Variants in PLCG2 observed in about 807,000 individuals in gnomAD.
PLCG2 encodes phospholipase C gamma 2, also known as 1-phosphatidylinositol 4,5-bisphosphate phosphodiesterase gamma-2.
Under a neutral mutation model 175.6 loss-of-function variants are expected in PLCG2, and 69 were observed. The observed-to-expected ratio is 0.39, with a 90% confidence interval of 0.32 to 0.48. The LOEUF (loss-of-function observed/expected upper bound fraction) is 0.48. Among genes scored for constraint, PLCG2 ranks in the 20% least tolerant of loss-of-function variants. The probability of loss-of-function intolerance (pLI) is 0.91; values close to 1 mark genes in which losing one functional copy is unlikely to be tolerated. For missense variants in PLCG2, 1,798 were observed against 1,650.9 expected, an observed-to-expected ratio of 1.09 and a Z score of -1.54; for synonymous variants, 827 against 624.0, an observed-to-expected ratio of 1.33 and a Z score of -4.85.
Position 81,927,175 on chromosome 16 carries a change from G to T in PLCG2, c.2511G>T (p.Lys837Asn). 1 of 1,605,944 alleles carries T rather than the reference G, an allele frequency of 6.2e-7. No individual in the cohort carries two copies. Among genetic ancestry groups the T allele is most frequent in the South Asian group, 1.1e-5 (1 of 90,922 alleles). Residue 837 changes from lysine to asparagine, a missense_variant, in exon 23 of 33, where the codon AAG becomes AAT. Transcript: ENST00000564138. ...CTGCAGACTTCGAGGAGCTAGAAAA[G>T]CAGGTGAGTCCCCCTCTTCGATCCT... The part of the protein sequence containing the change: ...ISTADFEELE[K>N]QIIEDNPLGS...
chr16:81,797,593 G>C (rs1911527681), intron 2 of PLCG2, among the ~76,000 whole-genome samples: 1 of 152,204 alleles, frequency 6.6e-6, no homozygotes, highest in African/African-American at 2.4e-5. Context: ...CCTGTGGCTG[G>C]TGCTCCTCAG....
chr16:81,740,163 GAAAAGAAACA>G (rs1909558115), intron 1 of PLCG2: 2 of 141,338 alleles, frequency 1.4e-5, no homozygotes, highest in South Asian at 4.5e-4. Context: ...AAAAAAGAAA[GAAAAGAAACA>G]AAAAGAAAAG....
chr16:81,757,389 C>T (rs759612838), intron 2 of PLCG2, among the ~76,000 whole-genome samples: 40 of 152,222 alleles, frequency 2.6e-4, no homozygotes, highest in Non-Finnish European at 4.7e-4. Flanking sequence ...GATGGTGAAA[C>T]CCCGTCTCTA....
At chr16:81,852,854 C>G (rs1263064506) in intron 2 of PLCG2, among the ~76,000 whole-genome samples, 1 of 152,148 alleles carries the variant, frequency 6.6e-6, no homozygotes, top group South Asian at 2.1e-4. Flanking sequence ...GTCCAGTGCT[C>G]TGTGGCTGTT....
intron 31 of PLCG2, among the ~76,000 whole-genome samples, chr16:81,953,022 G>T (rs189489907): frequency 1.1e-3 from 173 of 152,254 alleles, no homozygotes; most frequent in African/African-American, 4.0e-3. Context: ...CGCTGAGAAG[G>T]GTACATTGCT....
intron 2 of PLCG2, among the ~76,000 whole-genome samples, chr16:81,840,642 T>C (rs763361707): frequency 3.3e-5 from 5 of 152,152 alleles, no homozygotes; most frequent in Non-Finnish European, 7.3e-5. Flanking sequence ...TGTGCTGCCA[T>C]GAGAATCTAA....
At chr16:81,871,147 T>C (rs1328719608) in intron 7 of PLCG2, among the ~76,000 whole-genome samples, 1 of 152,144 alleles carries the variant, frequency 6.6e-6, no homozygotes, top group African/African-American at 2.4e-5. Context: ...TGTAGAGAAA[T>C]GGTGTTCATA....
intron 5 of PLCG2, among the ~76,000 whole-genome samples, chr16:81,862,821 A>T (rs977258636): frequency 2.0e-5 from 3 of 152,140 alleles, no homozygotes; most frequent in African/African-American, 7.2e-5. Flanking sequence ...GCAGTGAACC[A>T]TGATTGTGCC....
chr16:81,837,812 A>G (rs74710389), intron 2 of PLCG2, among the ~76,000 whole-genome samples: 2 of 152,078 alleles, frequency 1.3e-5, no homozygotes, highest in African/African-American at 2.4e-5. Context: ...ACGTTACCCA[A>G]TTATCCCCAA....
intron 24 of PLCG2, among the ~76,000 whole-genome samples, chr16:81,930,500 C>A (rs2143710596): frequency 6.6e-6 from 1 of 152,296 alleles, no homozygotes; most frequent in Non-Finnish European, 1.5e-5. Context: ...GTAATCCCAG[C>A]ACTTTGGGAG....
At chr16:81,956,022 A>T (rs1015075667) in intron 31 of PLCG2, among the ~76,000 whole-genome samples, 30 of 152,186 alleles carry the variant, frequency 2.0e-4, no homozygotes, top group African/African-American at 7.2e-4. Context: ...CATTTCCAAC[A>T]CCCAAAAAGA....
Position 81,762,752 on chromosome 16 carries a change from G to T in PLCG2, c.-48+6786G>T, listed in dbSNP as rs185199205. ...TGCAATATCCCCCCAAGTCCCCAAGGCTGGCTGATCAGGCAGAGCCCCTTC... is the reference window on the plus strand; with the variant it reads ...TGCAATATCCCCCCAAGTCCCCAAGTCTGGCTGATCAGGCAGAGCCCCTTC... On this transcript the variant is annotated intron_variant, in intron 2 of 5. Transcript: ENST00000565054. Among the ~76,000 whole-genome samples, 25 of 152,254 alleles carry T rather than the reference G, an allele frequency of 1.6e-4. No homozygotes were observed. The East Asian group carries it at 4.6e-3, about 28-fold the overall frequency.
At chr16:81,899,414 T>C (rs907458995) in intron 13 of PLCG2, among the ~76,000 whole-genome samples, 3 of 152,050 alleles carry the variant, frequency 2.0e-5, no homozygotes, top group Non-Finnish European at 4.4e-5. Context: ...GTGATCCTTA[T>C]TGGTGGATTC....
intron 24 of PLCG2, chr16:81,928,904 C>T (rs1457077108): frequency 7.7e-6 from 3 of 389,650 alleles, no homozygotes; most frequent in African/African-American, 5.9e-5. Flanking sequence ...CTTATTATTT[C>T]AGGATCCATC....
In PLCG2 at chr16:81,962,657, T is replaced by A. The variant is rs1342404004; in HGVS notation, c.*4659T>A. Reference sequence around the variant, plus strand: ...GAAAATTAAACAGCTGTATCACATTTTGAAAAATAAAAGTTTCATCTGAAT... The same window carrying A: ...GAAAATTAAACAGCTGTATCACATTATGAAAAATAAAAGTTTCATCTGAAT... On this transcript the variant is annotated 3_prime_UTR_variant, in exon 33 of 33. Transcript: ENST00000564138. 4 of 219,510 alleles carry A rather than the reference T, an allele frequency of 1.8e-5. No homozygotes were observed. The East Asian group carries it at 2.7e-4, about 15-fold the overall frequency. 13.6% of individuals were successfully genotyped at this position (219,510 alleles called of 1,614,324 possible). A position where few individuals can be genotyped will look rare whatever the true frequency, so the allele number is the denominator to read the frequency against.
At chr16:81,807,020 G>C (rs928279638) in intron 2 of PLCG2, among the ~76,000 whole-genome samples, 1 of 152,146 alleles carries the variant, frequency 6.6e-6, no homozygotes, top group Admixed American at 6.5e-5. Flanking sequence ...TGGCCCCTCG[G>C]GCTGCTCTGG....
intron 1 of PLCG2, among the ~76,000 whole-genome samples, chr16:81,745,829 T>G (rs1020692032): frequency 2.3e-4 from 35 of 152,196 alleles, no homozygotes; most frequent in Non-Finnish European, 4.4e-5. Flanking sequence ...AAAGTCCCAG[T>G]TGGGAACCTC....
chr16:81,858,484 C>G lies in PLCG2; in HGVS notation c.431+128C>G, dbSNP rs1906800896. 4.3e-6 allele frequency: 3 copies of G among 701,616 alleles called. No individual in the cohort carries two copies. In the Admixed American group the frequency reaches 6.4e-5, roughly 15 times the overall value. The allele number at this position is 701,616 out of a possible 1,614,324, so 43.5% of individuals were successfully genotyped here. A position where few individuals can be genotyped will look rare whatever the true frequency, so the allele number is the denominator to read the frequency against. On this transcript the variant is annotated intron_variant, in intron 4 of 32. Transcript: ENST00000564138. ...TGGTTTTTTGAGGCTCGTTGAGTGT[C>G]TTGTATGCAATGGGTGCCTAGTAGC...
At chr16:81,943,974 TCATTTTGAAGAGAA>T (rs1911055023) in intron 30 of PLCG2, among the ~76,000 whole-genome samples, 3 of 152,324 alleles carry the variant, frequency 2.0e-5, no homozygotes, top group African/African-American at 7.2e-5. Flanking sequence ...TCCCATGGGC[TCATTTTGAAGAGAA>T]CAAAAGAGGA....
Sources: allele counts gnomAD v4.1 joint callset (sites outside exome capture counted in the v4.1 genomes callset), GRCh38; gene constraint gnomAD v4.1.1; transcripts MANE v1.5; gene names NCBI Gene and HGNC (gene_info 2026-07-23, HGNC 2026-07-21).